The following GRIN2A variants were observed in gnomAD, a reference collection of about 807,000 sequenced individuals.
GRIN2A encodes glutamate receptor ionotropic, NMDA 2A.
A neutral mutation model predicts 113.4 loss-of-function variants in GRIN2A; 22 were observed. That is an observed-to-expected ratio of 0.19 (90% CI 0.14 to 0.28). GRIN2A has a LOEUF of 0.28. GRIN2A is among the 10% of genes least tolerant of loss of function. The pLI is 1.00. For missense variants in GRIN2A, 1,502 were observed against 1,887.0 expected (o/e 0.80, Z 3.78); for synonymous variants, 827 against 738.4 (o/e 1.12, Z -1.94).
At chr16:10,004,705 C>G (rs2046376470) in intron 2 of GRIN2A, among the ~76,000 whole-genome samples, 1 of 152,190 alleles carries the variant, frequency 6.6e-6, no homozygotes, top group Admixed American at 6.5e-5. Flanking sequence ...GTCATCTTCC[C>G]TGGTAGTAGA....
chr16:10,058,651 T>C (rs2047497210), intron 2 of GRIN2A, among the ~76,000 whole-genome samples: 1 of 152,230 alleles, frequency 6.6e-6, no homozygotes. Flanking sequence ...TTTTTCCCCA[T>C]CCAAGTTTAC....
chr16:10,112,825 C>A, intron 2 of GRIN2A: 1 of 630,502 alleles, frequency 1.6e-6, no homozygotes, highest in South Asian at 1.5e-5. Context: ...TGGACCATGT[C>A]AGCCCAGATC....
chr16:9,839,841 G>A (rs1156590421), intron 7 of GRIN2A, among the ~76,000 whole-genome samples: 3 of 152,154 alleles, frequency 2.0e-5, no homozygotes, highest in South Asian at 2.1e-4. Context: ...ACTGGGGATG[G>A]AGGGGAGTGA....
chr16:10,134,318 A>C (rs2049142815), intron 2 of GRIN2A, among the ~76,000 whole-genome samples: 1 of 152,128 alleles, frequency 6.6e-6, no homozygotes, highest in Non-Finnish European at 1.5e-5. Context: ...CCCTCTGAGT[A>C]ACCAGTCCTT....
At chr16:10,056,924 GAAAC>G (rs1277067940) in intron 2 of GRIN2A, among the ~76,000 whole-genome samples, 1 of 151,962 alleles carries the variant, frequency 6.6e-6, no homozygotes, top group Non-Finnish European at 1.5e-5. Context: ...GCAGCCCTAG[GAAAC>G]TAATACACCA....
chr16:9,843,728 C>T (rs1212322643), intron 5 of GRIN2A, among the ~76,000 whole-genome samples: 2 of 151,662 alleles, frequency 1.3e-5, no homozygotes, highest in African/African-American at 4.9e-5. Context: ...TGTCATCCAC[C>T]ACCCTTAGTG....
intron 2 of GRIN2A, chr16:10,171,444 G>A (rs372993325): frequency 6.6e-6 from 1 of 152,180 alleles, no homozygotes; most frequent in Non-Finnish European, 1.5e-5. Context: ...TAGTGCAAAG[G>A]TCAATGAGAT....
intron 2 of GRIN2A, among the ~76,000 whole-genome samples, chr16:9,998,471 A>C (rs987780449): frequency 6.6e-6 from 1 of 152,234 alleles, no homozygotes; most frequent in Non-Finnish European, 1.5e-5. Flanking sequence ...GTAGAGATCG[A>C]AGGTCCTTGC....
chr16:10,137,525 T>C (rs1037763894), intron 2 of GRIN2A, among the ~76,000 whole-genome samples: 8 of 152,186 alleles, frequency 5.3e-5, no homozygotes, highest in Non-Finnish European at 7.3e-5. Context: ...CCTTAGCTAC[T>C]TACAAAACGG....
chr16:10,072,716 G>A (rs1320283582), intron 2 of GRIN2A, among the ~76,000 whole-genome samples: 1 of 152,120 alleles, frequency 6.6e-6, no homozygotes, highest in African/African-American at 2.4e-5. Context: ...TTAAACATGT[G>A]CATCCTAGGC....
At chr16:9,788,244 C>A (rs1277672195) in intron 11 of GRIN2A, among the ~76,000 whole-genome samples, 5 of 151,712 alleles carry the variant, frequency 3.3e-5, no homozygotes, top group African/African-American at 1.2e-4. Context: ...TCTCTCCTTA[C>A]TTTTTGACTC....
intron 3 of GRIN2A, among the ~76,000 whole-genome samples, chr16:9,893,137 G>A (rs1038079039): frequency 6.6e-6 from 1 of 152,062 alleles, no homozygotes; most frequent in Non-Finnish European, 1.5e-5. Context: ...CAAATATTGT[G>A]TATTTATTCA....
At chr16:10,054,091 G>A (rs951955595) in intron 2 of GRIN2A, among the ~76,000 whole-genome samples, 5 of 151,862 alleles carry the variant, frequency 3.3e-5, no homozygotes, top group African/African-American at 4.8e-5. Context: ...TTAAAAAACC[G>A]AACAGAATAA....
At position 10,182,033 on chromosome 16, in the gene GRIN2A, G is replaced by A. The variant is rs1466242660; in HGVS notation, c.-175C>T. On this transcript the variant is annotated 5_prime_UTR_variant, in exon 1 of 13. Transcript: ENST00000330684. ...GCTGTCCGCATCGCCCCCACGGGGG[G>A]CGGCTATCCCAGCCGGAGGCTCTGC... The A allele has an allele frequency of 1.3e-5, 2 of 152,632 alleles. No homozygotes were observed. Among genetic ancestry groups the A allele is most frequent in the Non-Finnish European group, 2.9e-5 (2 of 68,174 alleles). The allele number at this position is 152,632 out of a possible 1,614,324, so 9.5% of individuals were successfully genotyped here. A position where few individuals can be genotyped will look rare whatever the true frequency, so the allele number is the denominator to read the frequency against.
intron 2 of GRIN2A, among the ~76,000 whole-genome samples, chr16:10,138,439 C>T (rs1425385964): frequency 3.9e-5 from 6 of 152,100 alleles, no homozygotes; most frequent in Non-Finnish European, 5.9e-5. Context: ...TCTCACACAG[C>T]GGAAGGATGG....
rs571150349 is a variant in GRIN2A, at chr16:9,920,860, C to T, written c.1007+17099G>A. On this transcript the variant is annotated intron_variant, in intron 3 of 12. Coordinates refer to ENST00000330684, the MANE Select transcript of GRIN2A (RefSeq NM_001134407.3). Reference sequence around the variant, plus strand: ...CAAGCCCATTATAGACTGGTTTGCACCCAGTATCACAATTAAATCTTGGTT... The same window carrying T: ...CAAGCCCATTATAGACTGGTTTGCATCCAGTATCACAATTAAATCTTGGTT... 2.0e-5 allele frequency among the ~76,000 whole-genome samples: 3 copies of T among 152,282 alleles called. No homozygotes were observed. The East Asian group carries it at 5.8e-4, about 29-fold the overall frequency.
intron 2 of GRIN2A, among the ~76,000 whole-genome samples, chr16:10,110,933 G>A (rs1319588948): frequency 6.6e-6 from 1 of 152,188 alleles, no homozygotes; most frequent in Admixed American, 6.5e-5. Context: ...GGTGGATTCA[G>A]TTTCTGCTAT....
At chr16:9,852,315 A>G (rs2042898380) in intron 4 of GRIN2A, among the ~76,000 whole-genome samples, 1 of 152,206 alleles carries the variant, frequency 6.6e-6, no homozygotes, top group Admixed American at 6.5e-5. Context: ...TATAGCTCCA[A>G]CACTCTTCCT....
chr16:10,132,919 G>T (rs1285691245), intron 2 of GRIN2A, among the ~76,000 whole-genome samples: 1 of 152,138 alleles, frequency 6.6e-6, no homozygotes, highest in African/African-American at 2.4e-5. Context: ...TCCTTCTAAG[G>T]CTTTAGAGGA....
Sources: allele counts gnomAD v4.1 joint callset (sites outside exome capture counted in the v4.1 genomes callset), GRCh38; gene constraint gnomAD v4.1.1; transcripts MANE v1.5; gene names NCBI Gene and HGNC (gene_info 2026-07-23, HGNC 2026-07-21).